Variants in CYP2B6 observed in about 807,000 individuals in gnomAD.
The protein encoded by CYP2B6 is cytochrome P450 family 2 subfamily B member 6.
Under a neutral mutation model 43.4 loss-of-function variants are expected in CYP2B6, and 35 were observed. The observed-to-expected ratio is 0.81, with a 90% confidence interval of 0.62 to 1.07. CYP2B6 has a LOEUF of 1.07. CYP2B6 is among the 50% of genes least tolerant of loss of function. CYP2B6 has a pLI of 0.00. For synonymous variants in CYP2B6, 239 were observed against 239.2 expected (o/e 1.00, Z 0.01); for missense variants, 624 against 632.8 (o/e 0.99, Z 0.15).
At chr19:41,015,804 C>G (rs912224241) in intron 8 of CYP2B6, among the ~76,000 whole-genome samples, 1 of 148,340 alleles carries the variant, frequency 6.7e-6, no homozygotes, top group Admixed American at 6.9e-5. Context: ...CCACACATAC[C>G]CCAGAAACAA....
intron 8 of CYP2B6, among the ~76,000 whole-genome samples, chr19:41,016,034 G>T (rs10853744): frequency 0.33 from 44,746 of 136,234 alleles, 7,026 homozygotes; most frequent in African/African-American, 0.44. Flanking sequence ...AACCAGAAAT[G>T]GGTCATTATA....
chr19:41,012,100 C>A (rs1254495868), intron 6 of CYP2B6, among the ~76,000 whole-genome samples, 198 bp from the exon 7 acceptor site: 6 of 152,046 alleles, frequency 3.9e-5, no homozygotes, highest in Non-Finnish European at 7.4e-5. Context: ...AGGTGTGCAC[C>A]AGCACACCCA....
In CYP2B6 at chr19:41,017,157, C is replaced by T. The variant is rs1969384668; in HGVS notation, c.*330C>T. On this transcript the variant is annotated 3_prime_UTR_variant, in exon 9 of 9. Transcript: ENST00000324071. ...CCCGGGGATCAAGCAACTCTCCTGC[C>T]TCAGCCTCCCTAGTAGCTGGGATTA... is the stretch of plus-strand genomic sequence containing the variant. The T allele has an allele frequency of 5.6e-6, 1 of 180,060 alleles. No individual in the cohort carries two copies. Among genetic ancestry groups the T allele is most frequent in the Non-Finnish European group, 1.2e-5 (1 of 83,894 alleles). The allele number at this position is 180,060 out of a possible 1,614,324, so 11.2% of individuals were successfully genotyped here. A position where few individuals can be genotyped will look rare whatever the true frequency, so the allele number is the denominator to read the frequency against.
At chr19:40,993,290 A>G (rs1453571280) in intron 1 of CYP2B6, among the ~76,000 whole-genome samples, 1 of 152,122 alleles carries the variant, frequency 6.6e-6, no homozygotes, top group Non-Finnish European at 1.5e-5. Flanking sequence ...ATAAAGACAT[A>G]CCTGAGACTG....
chr19:41,001,307 C>A (rs1179135038), intron 1 of CYP2B6, among the ~76,000 whole-genome samples: 4 of 152,100 alleles, frequency 2.6e-5, no homozygotes, highest in Non-Finnish European at 5.9e-5. Flanking sequence ...TTCACACACT[C>A]CCTAAAACTC....
intron 1 of CYP2B6, among the ~76,000 whole-genome samples, chr19:41,003,351 A>G (rs1256344052): frequency 6.6e-6 from 1 of 152,092 alleles, no homozygotes; most frequent in Non-Finnish European, 1.5e-5. Context: ...GACATGGTGG[A>G]CAAAGGATGA....
chr19:41,002,493 C>T (rs1474253135), intron 1 of CYP2B6, among the ~76,000 whole-genome samples: 1 of 152,036 alleles, frequency 6.6e-6, no homozygotes, highest in African/African-American at 2.4e-5. Flanking sequence ...ATTCACTATC[C>T]ACCTACCATC....
At chr19:41,004,728 C>T (rs1044691021) in intron 3 of CYP2B6, among the ~76,000 whole-genome samples, 1 of 152,004 alleles carries the variant, frequency 6.6e-6, no homozygotes, top group African/African-American at 2.4e-5. Flanking sequence ...ATGACTCTCA[C>T]CTGTAATCCC....
Position 41,018,289 on chromosome 19 carries a change from G to C in CYP2B6, c.*1462G>C, listed in dbSNP as rs1050308483. On this transcript the variant is annotated 3_prime_UTR_variant, in exon 9 of 9. Transcript: ENST00000324071. ...CTATCAAAAAGCCCCCTTGGCCCAG[G>C]TTCCCTGAGCTGTGGGATTCTGCAC... 4.6e-5 allele frequency: 7 copies of C among 152,380 alleles called. No individual in the cohort carries two copies. Among genetic ancestry groups the C allele is most frequent in the African/African-American group, 1.7e-4 (7 of 41,456 alleles). 9.4% of individuals were successfully genotyped at this position (152,380 alleles called of 1,614,324 possible).
chr19:41,011,937 T>C (rs937732729), intron 6 of CYP2B6, among the ~76,000 whole-genome samples: 2 of 152,058 alleles, frequency 1.3e-5, no homozygotes, highest in African/African-American at 4.8e-5. Context: ...TGCTGAAAGG[T>C]CTCTTTTTAA....
intron 1 of CYP2B6, among the ~76,000 whole-genome samples, chr19:41,001,124 C>T (rs1044799361): frequency 4.8e-4 from 73 of 152,126 alleles, no homozygotes; most frequent in African/African-American, 1.7e-3. Flanking sequence ...TCCAGTGGCA[C>T]ACAACTGGGA....
intron 8 of CYP2B6, among the ~76,000 whole-genome samples, 170 bp from the exon 9 acceptor site, chr19:41,016,476 T>TGCA (rs1459887001): frequency 1.4e-5 from 2 of 146,362 alleles, no homozygotes; most frequent in Admixed American, 1.4e-4. Flanking sequence ...CTCAAAGATT[T>TGCA]GCATCTGGTT....
rs1969305125 is a variant in CYP2B6, at chr19:41,012,738, A to G, written c.1217A>G (p.Asp406Gly). 1 of 1,614,016 alleles carries G rather than the reference A, an allele frequency of 6.2e-7. No homozygotes were observed. The highest frequency in any genetic ancestry group is 1.7e-5 in the Admixed American group (1 of 59,996). ...GACCCACACTACTTTGAAAAACCAGACGCCTTCAATCCTGACCACTTTCTG... is the reference window on the plus strand; with the variant it reads ...GACCCACACTACTTTGAAAAACCAGGCGCCTTCAATCCTGACCACTTTCTG... ...LHDPHYFEKPDAFNPDHFLDA... is the reference protein window; with the variant it reads ...LHDPHYFEKPGAFNPDHFLDA... Residue 406 changes from aspartate to glycine, a missense_variant, in exon 8 of 9, where the codon GAC becomes GGC. Transcript: ENST00000324071.
At chr19:40,994,395 T>C (rs8192712) in intron 1 of CYP2B6, among the ~76,000 whole-genome samples, 13,833 of 152,202 alleles carry the variant, frequency 0.091, 869 homozygotes, top group East Asian at 0.17. Flanking sequence ...TACCCATAAG[T>C]CTGCATAGCT....
chr19:41,004,302 A>T lies in CYP2B6; in HGVS notation c.340A>T (p.Ile114Phe), dbSNP rs1199068140. The stretch of plus-strand genomic sequence containing the variant: ...ACACCTCCCCTGCACCCCAGGTGTG[A>T]TCTTTGCCAATGGAAACCGCTGGAA... ...VDPFFRGYGV[I>F]FANGNRWKVL... Residue 114 changes from isoleucine to phenylalanine, a missense_variant, in exon 3 of 9, where the codon ATC becomes TTC. Transcript: ENST00000324071. 1 of 1,613,902 alleles carries T rather than the reference A, an allele frequency of 6.2e-7. No homozygotes were observed. Among genetic ancestry groups the T allele is most frequent in the Admixed American group, 1.7e-5 (1 of 60,002 alleles).
intron 8 of CYP2B6, among the ~76,000 whole-genome samples, chr19:41,013,608 C>T (rs1050113653): frequency 6.6e-6 from 1 of 151,340 alleles, no homozygotes; most frequent in Non-Finnish European, 1.5e-5. Context: ...ACAAAGGGCT[C>T]ATCTGGGCAG....
chr19:41,004,775 G>C (rs1369792709), intron 3 of CYP2B6, among the ~76,000 whole-genome samples: 5 of 151,996 alleles, frequency 3.3e-5, no homozygotes, highest in African/African-American at 1.2e-4. Context: ...GATTGCTTGA[G>C]GCCAAGAGTT....
chr19:41,015,478 C>A (rs1033468009), intron 8 of CYP2B6, among the ~76,000 whole-genome samples: 7 of 152,182 alleles, frequency 4.6e-5, no homozygotes, highest in Admixed American at 2.0e-4. Flanking sequence ...TTGACATGGC[C>A]TTTCCAAGGT....
In CYP2B6 at chr19:41,017,518, C is replaced by G. The variant is rs572699046; in HGVS notation, c.*691C>G. 1.3e-5 allele frequency: 2 copies of G among 151,912 alleles called. No individual in the cohort carries two copies. Among genetic ancestry groups the G allele is most frequent in the East Asian group, 1.9e-4 (1 of 5,160 alleles). 9.4% of individuals were successfully genotyped at this position (151,912 alleles called of 1,614,324 possible). A position where few individuals can be genotyped will look rare whatever the true frequency, so the allele number is the denominator to read the frequency against. On this transcript the variant is annotated 3_prime_UTR_variant, in exon 9 of 9. Coordinates refer to ENST00000324071, the MANE Select transcript of CYP2B6 (RefSeq NM_000767.5). ...GGAGTCTCACTCTGTCACCCAGGTT[C>G]GAGTTCAGTGGTGCCATCTCTGTCC...
Sources: allele counts gnomAD v4.1 joint callset (sites outside exome capture counted in the v4.1 genomes callset), GRCh38; gene constraint gnomAD v4.1.1; transcripts MANE v1.5; gene names NCBI Gene and HGNC (gene_info 2026-07-23, HGNC 2026-07-21).